The following CSMD1 variants were observed in gnomAD, a reference collection of about 807,000 sequenced individuals.
CSMD1 encodes the protein CUB and sushi domain-containing protein 1.
Under a neutral mutation model 417.5 loss-of-function variants are expected in CSMD1, and 213 were observed. The observed-to-expected ratio is 0.51, with a 90% CI of 0.46 to 0.57. The LOEUF (loss-of-function observed/expected upper bound fraction) is 0.57. CSMD1 is among the 20% of genes least tolerant of loss of function. The pLI is 0.00. For synonymous variants in CSMD1, 2,862 were observed against 1,736.8 expected (o/e 1.65, Z -16.11); for missense variants, 6,923 against 4,529.7 (o/e 1.53, Z -15.17).
At chr8:4,077,279 CTATATA>C (rs34522635) in intron 3 of CSMD1, among the ~76,000 whole-genome samples, 1 of 94,992 alleles carries the variant, frequency 1.1e-5, no homozygotes, top group South Asian at 4.1e-4. Context: ...CATTTGTCAC[CTATATA>C]TATATATATG....
chr8:4,418,945 T>C (rs1444188201), intron 3 of CSMD1, among the ~76,000 whole-genome samples: 1 of 152,166 alleles, frequency 6.6e-6, no homozygotes, highest in Non-Finnish European at 1.5e-5. Flanking sequence ...GATAAGTCGG[T>C]CCATTCCTAT....
intron 5 of CSMD1, among the ~76,000 whole-genome samples, chr8:3,988,860 T>G: frequency 6.6e-6 from 1 of 152,218 alleles, no homozygotes. Context: ...GTGATATTAT[T>G]ACTGTTGTTA....
intron 7 of CSMD1, among the ~76,000 whole-genome samples, chr8:3,680,667 A>G (rs1799606124): frequency 6.6e-6 from 1 of 152,042 alleles, no homozygotes; most frequent in African/African-American, 2.4e-5. Flanking sequence ...AAAAAGAGGG[A>G]CTCCTCCCTA....
chr8:3,997,372 T>G (rs1198465733), intron 5 of CSMD1, among the ~76,000 whole-genome samples: 1 of 152,130 alleles, frequency 6.6e-6, no homozygotes, highest in Non-Finnish European at 1.5e-5. Context: ...ACCCTGCGGT[T>G]AATTTTATAC....
intron 5 of CSMD1, among the ~76,000 whole-genome samples, chr8:3,932,370 C>A (rs1466915440): frequency 6.6e-6 from 1 of 150,556 alleles, no homozygotes; most frequent in Admixed American, 6.6e-5. Flanking sequence ...AATATAGGCA[C>A]TTGGGTGTTT....
At chr8:3,958,966 G>C (rs941451480) in intron 5 of CSMD1, among the ~76,000 whole-genome samples, 1 of 152,194 alleles carries the variant, frequency 6.6e-6, no homozygotes, top group Non-Finnish European at 1.5e-5. Context: ...CTTAGGATCT[G>C]TGAGCTCCCG....
At chr8:4,717,171 G>A (rs1038079625) in intron 1 of CSMD1, among the ~76,000 whole-genome samples, 3 of 151,368 alleles carry the variant, frequency 2.0e-5, no homozygotes, top group African/African-American at 7.3e-5. Context: ...GAGATATTTG[G>A]GAGTCAGGAG....
At chr8:3,511,762 AATAAC>A (rs200325169) in intron 10 of CSMD1, among the ~76,000 whole-genome samples, 24,239 of 137,808 alleles carry the variant, frequency 0.18, 2,351 homozygotes, top group Admixed American at 0.22. Flanking sequence ...TCTCTAAAAA[AATAAC>A]ATAACATAAC....
rs539274107 is a variant in CSMD1, at chr8:2,963,374, G to C, written c.9302C>G (p.Pro3101Arg). 2 of 1,613,864 alleles carry C rather than the reference G, an allele frequency of 1.2e-6. No individual in the cohort carries two copies. Among genetic ancestry groups the C allele is most frequent in the South Asian group, 2.2e-5 (2 of 91,072 alleles). ...CTCCACTGTTCCATTCTGCACCGGC[G>C]GCGGCTGAGGACACAGCACGGCTAT... ...VCKAVLCPQP[P>R]PVQNGTVEGS... The change falls in exon 60 of 70, where the codon CCG becomes CGG. Residue 3101 changes from proline to arginine, a missense_variant. Physicochemically the swap from Pro to Arg is moderately radical, Grantham distance 103. Transcript: ENST00000635120.
At chr8:4,555,305 G>A (rs958912851) in intron 2 of CSMD1, among the ~76,000 whole-genome samples, 1 of 152,156 alleles carries the variant, frequency 6.6e-6, no homozygotes, top group Non-Finnish European at 1.5e-5. Context: ...GCAGTGGCAT[G>A]TTTGGGAGAT....
At chr8:4,607,667 A>G (rs953691032) in intron 2 of CSMD1, among the ~76,000 whole-genome samples, 2 of 151,946 alleles carry the variant, frequency 1.3e-5, no homozygotes, top group Admixed American at 6.6e-5. Flanking sequence ...TACACTTCCA[A>G]AAAATTTCCA....
Position 3,273,335 on chromosome 8 carries a change from A to G in CSMD1, c.4153+10809T>C, listed in dbSNP as rs1158731712. Reference sequence around the variant, plus strand: ...GATGTGCTGCTGGATTCGGTTTGCCAGTATTTTATTGAGGATTTTTACATC... The same window carrying G: ...GATGTGCTGCTGGATTCGGTTTGCCGGTATTTTATTGAGGATTTTTACATC... On this transcript the variant is annotated intron_variant, in intron 26 of 69. Transcript: ENST00000635120. 5.9e-5 allele frequency among the ~76,000 whole-genome samples: 9 copies of G among 152,204 alleles called. No homozygotes were observed. In the East Asian group the frequency reaches 1.7e-3, roughly 29 times the overall value.
At chr8:4,870,728 A>G (rs1401552076) in intron 1 of CSMD1, among the ~76,000 whole-genome samples, 1 of 152,130 alleles carries the variant, frequency 6.6e-6, no homozygotes, top group Non-Finnish European at 1.5e-5. Context: ...TGCCTTCCAG[A>G]CATTCATTTA....
At position 4,943,495 on chromosome 8, in the gene CSMD1, C is replaced by CAAA. The variant is rs36181231; in HGVS notation, c.85+50834_85+50836dup. Among the ~76,000 whole-genome samples the CAAA allele has an allele frequency of 6.1e-3, 329 of 54,106 alleles. 3 individuals carry two copies. The highest frequency in any genetic ancestry group is 0.031 in the East Asian group (25 of 796). 35.5% of individuals were successfully genotyped at this position (54,106 alleles called of 152,430 possible). A position where few individuals can be genotyped will look rare whatever the true frequency, so the allele number is the denominator to read the frequency against. The stretch of plus-strand genomic sequence containing the variant: ...TGGGGGACAGAGTGAGACACCGTCT[C>CAAA]AAAAAAATAAAATGAAATAAAATAA... On this transcript the variant is annotated intron_variant, in intron 1 of 69. Coordinates refer to ENST00000635120, the MANE Select transcript of CSMD1 (RefSeq NM_033225.6).
chr8:3,373,029 A>G (rs140915613), intron 18 of CSMD1, among the ~76,000 whole-genome samples: 10 of 152,234 alleles, frequency 6.6e-5, no homozygotes, highest in Non-Finnish European at 1.5e-4. Context: ...TATGAAGACG[A>G]TCACCATAAT....
intron 49 of CSMD1, among the ~76,000 whole-genome samples, chr8:3,084,357 C>G (rs1049752562): frequency 6.6e-6 from 1 of 151,514 alleles, no homozygotes; most frequent in African/African-American, 2.4e-5. Flanking sequence ...AACTCCATCT[C>G]TACTAAATAC....
At chr8:4,472,630 G>A (rs1033064476) in intron 2 of CSMD1, among the ~76,000 whole-genome samples, 2 of 151,904 alleles carry the variant, frequency 1.3e-5, no homozygotes, top group Non-Finnish European at 2.9e-5. Context: ...CAAACAATAA[G>A]AAAAATAATT....
intron 1 of CSMD1, among the ~76,000 whole-genome samples, chr8:4,924,461 G>A (rs1370342552): frequency 1.3e-5 from 2 of 152,012 alleles, no homozygotes; most frequent in African/African-American, 2.4e-5. Context: ...GGTGGCTCAC[G>A]CCTGTAATCT....
At chr8:3,359,586 A>G (rs532994051) in intron 20 of CSMD1, among the ~76,000 whole-genome samples, 116 of 151,316 alleles carry the variant, frequency 7.7e-4, no homozygotes, top group African/African-American at 2.5e-3. Context: ...GAATTACTAG[A>G]GGCTGGGAAG....
Sources: allele counts gnomAD v4.1 joint callset (sites outside exome capture counted in the v4.1 genomes callset), GRCh38; gene constraint gnomAD v4.1.1; transcripts MANE v1.5; gene names NCBI Gene and HGNC (gene_info 2026-07-23, HGNC 2026-07-21).